RNF185: variants seen among roughly 807,000 people sequenced by gnomAD.
RNF185 encodes the protein E3 ubiquitin-protein ligase RNF185.
In RNF185, 13 loss-of-function variants were observed where a neutral mutation model predicts 24.9. The ratio of observed to expected loss-of-function variants is 0.52; its 90% confidence interval spans 0.34 to 0.83. The LOEUF (loss-of-function observed/expected upper bound fraction) is 0.83, where lower values mean the gene tolerates loss of function less well. Among genes scored for constraint, RNF185 ranks in the 40% least tolerant of loss-of-function variants. The probability of loss-of-function intolerance (pLI) is 0.01; values close to 1 mark genes in which losing one functional copy is unlikely to be tolerated. For missense variants in RNF185, 184 were observed against 244.7 expected, an observed-to-expected ratio of 0.75 and a Z score of 1.65; for synonymous variants, 79 against 90.3, an observed-to-expected ratio of 0.88 and a Z score of 0.71.
chr22:31,200,468 T>A (rs1013164998), intron 5 of RNF185, among the ~76,000 whole-genome samples: 1 of 152,278 alleles, frequency 6.6e-6, no homozygotes, highest in Non-Finnish European at 1.5e-5. Flanking sequence ...AGCCTCAGTT[T>A]GGTCATCTGT....
At position 31,189,135 on chromosome 22, in the gene RNF185, ATGTG is replaced by A. The variant is rs202051750; in HGVS notation, c.176+1891_176+1894del. 9.5e-3 allele frequency among the ~76,000 whole-genome samples: 1,306 copies of A among 136,888 alleles called. 14 individuals are homozygous for A. The highest frequency in any genetic ancestry group is 0.02 in the African/African-American group (747 of 36,548). 89.8% of individuals were successfully genotyped at this position (136,888 alleles called of 152,430 possible). A position where few individuals can be genotyped will look rare whatever the true frequency, so the allele number is the denominator to read the frequency against. On this transcript the variant is annotated intron_variant, in intron 2 of 6. Transcript: ENST00000326132. ...AGCAAGACTCTGTCTCAAAAAAAAAATGTGTGTGTGTGTGTGTGTGTGTGTGTGT... is the reference window on the plus strand; with the variant it reads ...AGCAAGACTCTGTCTCAAAAAAAAAATGTGTGTGTGTGTGTGTGTGTGTGT...
chr22:31,162,787 C>T (rs1269863759), intron 1 of RNF185, among the ~76,000 whole-genome samples: 10 of 136,916 alleles, frequency 7.3e-5, no homozygotes, highest in African/African-American at 1.6e-4. Flanking sequence ...TTTTTTAAGA[C>T]GGAGTCTCGC....
chr22:31,164,903 A>AT (rs922020876), intron 1 of RNF185, among the ~76,000 whole-genome samples: 14 of 144,954 alleles, frequency 9.7e-5, no homozygotes, highest in South Asian at 4.4e-4. Context: ...ACTAAAATTT[A>AT]TTTTTTTTTT....
At chr22:31,161,911 TG>T (rs1384151440) in intron 1 of RNF185, among the ~76,000 whole-genome samples, 2 of 142,492 alleles carry the variant, frequency 1.4e-5, no homozygotes, top group African/African-American at 5.2e-5. Flanking sequence ...TTAGTAGAGA[TG>T]GGGTTTCACC....
At chr22:31,187,310 A>G (rs148006933) in intron 2 of RNF185, 40 bp downstream of exon 2, 2 of 1,608,542 alleles carry the variant, frequency 1.2e-6, no homozygotes, top group Non-Finnish European at 8.5e-7. Context: ...CACATTGCCA[A>G]GTTTGGAAAG....
chr22:31,192,642 C>T (rs770599284), intron 2 of RNF185, 42 bp from the exon 3 acceptor site: 5 of 1,599,036 alleles, frequency 3.1e-6, no homozygotes, highest in South Asian at 2.2e-5. Context: ...TTCCCCTTTT[C>T]TCCTTCTCCT....
chr22:31,192,165 T>C (rs2048162141), intron 2 of RNF185, among the ~76,000 whole-genome samples: 1 of 152,184 alleles, frequency 6.6e-6, no homozygotes, highest in African/African-American at 2.4e-5. Context: ...GAGGACAGCC[T>C]GAAGATTTTG....
intron 1 of RNF185, among the ~76,000 whole-genome samples, chr22:31,162,919 G>C (rs1239124157): frequency 6.6e-6 from 1 of 151,408 alleles, no homozygotes; most frequent in Non-Finnish European, 1.5e-5. Flanking sequence ...CGCCCACCCC[G>C]ATGACTGGCT....
chr22:31,199,722 C>A (rs570156926), intron 5 of RNF185, among the ~76,000 whole-genome samples: 3 of 152,328 alleles, frequency 2.0e-5, no homozygotes, highest in African/African-American at 7.2e-5. Context: ...TAGATTCAAC[C>A]ATGAACTGAG....
chr22:31,180,958 T>TGTGTGTCTGC (rs2048030442), intron 1 of RNF185, among the ~76,000 whole-genome samples: 1 of 151,200 alleles, frequency 6.6e-6, no homozygotes, highest in Non-Finnish European at 1.5e-5. Context: ...TGTGTGTGTG[T>TGTGTGTCTGC]CTGCCTGTCT....
chr22:31,179,887 T>A lies in RNF185; in HGVS notation c.-48-7160T>A, dbSNP rs1734856439. Among the ~76,000 whole-genome samples the A allele has an allele frequency of 1.3e-5, 2 of 152,172 alleles. 1 individual carries two copies. The highest frequency in any genetic ancestry group is 1.3e-4 in the Admixed American group (2 of 15,272). On this transcript the variant is annotated intron_variant, in intron 1 of 6. Coordinates refer to ENST00000326132, the MANE Select transcript of RNF185 (RefSeq NM_152267.4). ...TGCCTCCCCAACAGCAACAGCCCTG[T>A]CCTGCCTTGGAGGGCCCTCCAGGTC... is the stretch of plus-strand genomic sequence containing the variant.
intron 1 of RNF185, among the ~76,000 whole-genome samples, chr22:31,162,738 G>T (rs887835890): frequency 6.7e-6 from 1 of 150,100 alleles, no homozygotes; most frequent in Admixed American, 6.7e-5. Context: ...TGGTCTGTGA[G>T]CTAAGGGTGC....
At chr22:31,178,152 A>G (rs1417901035) in intron 1 of RNF185, among the ~76,000 whole-genome samples, 1 of 152,142 alleles carries the variant, frequency 6.6e-6, no homozygotes, top group East Asian at 1.9e-4. Context: ...CAAAGTTAGG[A>G]CTGTTTTTTA....
rs113932297 is a variant in RNF185 at position 31,189,448 on chromosome 22, C to G, written c.176+2178C>G. ...CTGGGACTGCAGGAATGCACCACCA[C>G]GCCCGGCTAATTTTCTTTTTGTATT... is the stretch of plus-strand genomic sequence containing the variant. On this transcript the variant is annotated intron_variant, in intron 2 of 6. Transcript: ENST00000326132. Among the ~76,000 whole-genome samples, 679 of 150,700 alleles carry G rather than the reference C, an allele frequency of 4.5e-3. 1 individual carries two copies. Among genetic ancestry groups the G allele is most frequent in the African/African-American group, 0.015 (634 of 41,092 alleles).
chr22:31,202,362 G>A (rs756720653), intron 6 of RNF185, among the ~76,000 whole-genome samples: 12 of 152,118 alleles, frequency 7.9e-5, no homozygotes, highest in Non-Finnish European at 1.6e-4. Flanking sequence ...ACTTGTTGGA[G>A]CTTCATGTGC....
In RNF185 at chr22:31,206,537, A is replaced by G. The variant is rs2048316025; in HGVS notation, c.*1951A>G. Reference sequence around the variant, plus strand: ...GGACTCAACAGAAATGGGTTTCCAGAAGAATAATGAAAAGTTGTGGGTAGG... The same window carrying G: ...GGACTCAACAGAAATGGGTTTCCAGGAGAATAATGAAAAGTTGTGGGTAGG... On this transcript the variant is annotated 3_prime_UTR_variant, in exon 7 of 7. Coordinates refer to ENST00000326132, the MANE Select transcript of RNF185 (RefSeq NM_152267.4). 6.6e-6 allele frequency: 1 copy of G among 152,204 alleles called. No homozygotes were observed. Among genetic ancestry groups the G allele is most frequent in the African/African-American group, 2.4e-5 (1 of 41,454 alleles). The allele number at this position is 152,204 out of a possible 1,614,324, so 9.4% of individuals were successfully genotyped here. A position where few individuals can be genotyped will look rare whatever the true frequency, so the allele number is the denominator to read the frequency against.
At chr22:31,164,334 A>C (rs1040422292) in intron 1 of RNF185, among the ~76,000 whole-genome samples, 3 of 152,210 alleles carry the variant, frequency 2.0e-5, no homozygotes, top group African/African-American at 7.2e-5. Flanking sequence ...AATAATTCAC[A>C]AACTTTCTGT....
chr22:31,202,334 C>T (rs978603935), intron 6 of RNF185, among the ~76,000 whole-genome samples: 6 of 152,242 alleles, frequency 3.9e-5, no homozygotes, highest in South Asian at 2.1e-4. Flanking sequence ...ATGCCATGAT[C>T]GGTTGAGCTC....
chr22:31,166,657 T>C (rs12169261), intron 1 of RNF185, among the ~76,000 whole-genome samples: 10 of 148,492 alleles, frequency 6.7e-5, no homozygotes, highest in East Asian at 4.2e-4. Flanking sequence ...CCTCTTCCTC[T>C]TCTTCTTCTC....
Sources: allele counts gnomAD v4.1 joint callset (sites outside exome capture counted in the v4.1 genomes callset), GRCh38; gene constraint gnomAD v4.1.1; transcripts MANE v1.5; gene names NCBI Gene and HGNC (gene_info 2026-07-23, HGNC 2026-07-21).